The following RBFOX3 variants were observed in gnomAD, a reference collection of about 807,000 sequenced individuals.
The protein encoded by RBFOX3 is RNA binding fox-1 homolog 3.
RBFOX3 carries 17 observed loss-of-function variants against 48.7 expected under a neutral mutation model. The ratio of observed to expected loss-of-function variants is 0.35; its 90% confidence interval spans 0.24 to 0.52. The LOEUF is 0.52. Among genes scored for constraint, RBFOX3 ranks in the 20% least tolerant of loss-of-function variants. The probability of loss-of-function intolerance (pLI) is 0.94; values close to 1 mark genes in which losing one functional copy is unlikely to be tolerated. For synonymous variants in RBFOX3, 212 were observed against 209.5 expected, an observed-to-expected ratio of 1.01 and a Z score of -0.10; for missense variants, 382 against 497.5, an observed-to-expected ratio of 0.77 and a Z score of 2.21.
chr17:79,377,762 C>T (rs976938117), intron 2 of RBFOX3, among the ~76,000 whole-genome samples: 23 of 152,226 alleles, frequency 1.5e-4, no homozygotes, highest in African/African-American at 5.5e-4. Context: ...CAGAAGCCCA[C>T]GGCTTTCTAG....
chr17:79,256,346 C>T (rs2064845429), intron 3 of RBFOX3, among the ~76,000 whole-genome samples: 1 of 152,146 alleles, frequency 6.6e-6, no homozygotes, highest in South Asian at 2.1e-4. Context: ...AAAAAAAATT[C>T]CCTACACATA....
intron 4 of RBFOX3, among the ~76,000 whole-genome samples, chr17:79,156,149 C>T (rs1028220014): frequency 2.6e-5 from 4 of 152,200 alleles, no homozygotes; most frequent in Admixed American, 6.5e-5. Context: ...AGGATGCGCC[C>T]GCCTCATTTG....
At chr17:79,170,128 AAGGAGGAAGGAGGGAAGGAAGGAAGGG>A (rs1407155463) in intron 4 of RBFOX3, among the ~76,000 whole-genome samples, 14 of 135,788 alleles carry the variant, frequency 1.0e-4, no homozygotes, top group African/African-American at 2.9e-4. Flanking sequence ...GGAAGGAAGG[AAGGAGGAAGGAGGGAAGGAAGGAAGGG>A]AGGAGGAAGG....
chr17:79,384,127 T>C (rs1327668931), intron 2 of RBFOX3, among the ~76,000 whole-genome samples: 2 of 152,202 alleles, frequency 1.3e-5, no homozygotes, highest in Admixed American at 1.3e-4. Flanking sequence ...GGGCGAGGGC[T>C]GTGGCCAGGT....
chr17:79,484,421 C>G (rs1465798788), intron 1 of RBFOX3, among the ~76,000 whole-genome samples: 1 of 152,136 alleles, frequency 6.6e-6, no homozygotes, highest in Non-Finnish European at 1.5e-5. Context: ...GTAATAGGAA[C>G]AGTTCCATGG....
chr17:79,520,083 G>T (rs1016637516), intron 1 of RBFOX3, among the ~76,000 whole-genome samples: 4 of 152,328 alleles, frequency 2.6e-5, no homozygotes, highest in African/African-American at 7.2e-5. Flanking sequence ...CGAGGACACC[G>T]AGGCCCAGGC....
intron 4 of RBFOX3, among the ~76,000 whole-genome samples, chr17:79,119,305 C>T (rs2612773): frequency 0.6 from 90,802 of 152,164 alleles, 27,729 homozygotes; most frequent in African/African-American, 0.73. Flanking sequence ...TAGAATAAAA[C>T]AGCATATTTG....
At chr17:79,317,439 T>C (rs2077693312) in intron 2 of RBFOX3, among the ~76,000 whole-genome samples, 1 of 152,236 alleles carries the variant, frequency 6.6e-6, no homozygotes, top group African/African-American at 2.4e-5. Context: ...TCACCAGGGT[T>C]CACCTGTGGG....
chr17:79,132,513 C>T (rs1252201364), intron 4 of RBFOX3, among the ~76,000 whole-genome samples: 1 of 152,200 alleles, frequency 6.6e-6, no homozygotes, highest in Non-Finnish European at 1.5e-5. Context: ...TCGGAGCCAA[C>T]AGGAAACAGC....
In RBFOX3 at chr17:79,210,033, G is replaced by A. The variant is rs148573641; in HGVS notation, c.-34+25733C>T. ...AAAAAGAAAGAAAAGAAAGGACAGCGTTTCTGTGTGCGCACAGAGGCGCCT... is the reference window on the plus strand; with the variant it reads ...AAAAAGAAAGAAAAGAAAGGACAGCATTTCTGTGTGCGCACAGAGGCGCCT... On this transcript the variant is annotated intron_variant, in intron 4 of 14. Transcript: ENST00000693108. 5.3e-3 allele frequency among the ~76,000 whole-genome samples: 806 copies of A among 151,652 alleles called. 6 individuals carry two copies. Among genetic ancestry groups the A allele is most frequent in the African/African-American group, 0.018 (737 of 41,396 alleles).
In RBFOX3 at chr17:79,252,545, ACT is replaced by A. The variant is rs2064128749; in HGVS notation, c.-73-16742_-73-16741del. Among the ~76,000 whole-genome samples the A allele has an allele frequency of 6.6e-6, 1 of 151,026 alleles. No individual in the cohort carries two copies. The highest frequency in any genetic ancestry group is 2.4e-5 in the African/African-American group (1 of 41,002). On this transcript the variant is annotated intron_variant, in intron 3 of 14. Coordinates refer to ENST00000693108, the MANE Select transcript of RBFOX3 (RefSeq NM_001350451.2). The surrounding 1 kb of genome is among the most constrained non-coding windows in gnomAD (Gnocchi z 4.0). The stretch of plus-strand genomic sequence containing the variant: ...AGAGGCTGGAACAGGGAGGCAGTGG[ACT>A]CTCCCTCGGAAATGAGCTCTGATGG...
chr17:79,168,033 G>C (rs1161109090), intron 4 of RBFOX3, among the ~76,000 whole-genome samples: 1 of 152,234 alleles, frequency 6.6e-6, no homozygotes, highest in Non-Finnish European at 1.5e-5. Context: ...GGCTGGGTGA[G>C]GGGTGGGTAA....
At chr17:79,224,678 C>G (rs1430162910) in intron 4 of RBFOX3, among the ~76,000 whole-genome samples, 5 of 152,194 alleles carry the variant, frequency 3.3e-5, no homozygotes, top group African/African-American at 1.2e-4. Flanking sequence ...CATCGTCCCT[C>G]CAGCTTCCTG....
intron 3 of RBFOX3, among the ~76,000 whole-genome samples, chr17:79,286,756 C>T (rs1405993755): frequency 1.3e-5 from 2 of 152,154 alleles, no homozygotes; most frequent in Non-Finnish European, 2.9e-5. Context: ...CCAGGCTGTG[C>T]GTTAACATAG....
chr17:79,264,989 G>A (rs1447311687), intron 3 of RBFOX3, among the ~76,000 whole-genome samples: 1 of 151,946 alleles, frequency 6.6e-6, no homozygotes, highest in African/African-American at 2.4e-5. Context: ...CAGATTTGTG[G>A]CGATCATAAA....
chr17:79,158,632 C>T (rs974258697), intron 4 of RBFOX3, among the ~76,000 whole-genome samples: 6 of 152,218 alleles, frequency 3.9e-5, no homozygotes, highest in African/African-American at 7.2e-5. Flanking sequence ...TTGCTAAGGA[C>T]GCCCGACCAA....
At chr17:79,357,964 A>G (rs1405783639) in intron 2 of RBFOX3, among the ~76,000 whole-genome samples, 2 of 151,540 alleles carry the variant, frequency 1.3e-5, no homozygotes, top group East Asian at 1.9e-4. Context: ...ATTATATATT[A>G]TTATTATTGA....
intron 1 of RBFOX3, among the ~76,000 whole-genome samples, chr17:79,565,866 C>T (rs998858834): frequency 7.0e-4 from 107 of 152,324 alleles, no homozygotes; most frequent in Admixed American, 1.8e-3. Flanking sequence ...TGCTGGCTCA[C>T]GCTACAGCTT....
chr17:79,263,241 G>C (rs1468282810), intron 3 of RBFOX3, among the ~76,000 whole-genome samples: 2 of 152,254 alleles, frequency 1.3e-5, no homozygotes, highest in African/African-American at 4.8e-5. Flanking sequence ...GGAGAACACA[G>C]CAAGGGCAAA....
Sources: allele counts gnomAD v4.1 joint callset (sites outside exome capture counted in the v4.1 genomes callset), GRCh38; gene constraint gnomAD v4.1.1; non-coding constraint Gnocchi (gnomAD v3.1); transcripts MANE v1.5; gene names NCBI Gene and HGNC (gene_info 2026-07-23, HGNC 2026-07-21).